POC1B: variants seen among roughly 807,000 people sequenced by gnomAD.
The protein encoded by POC1B is POC1 centriolar protein homolog B.
Under a neutral mutation model 60.6 loss-of-function variants are expected in POC1B, and 44 were observed. The observed-to-expected ratio is 0.73, with a 90% confidence interval of 0.57 to 0.93. POC1B has a LOEUF of 0.93. POC1B is among the 40% of genes least tolerant of loss of function. The pLI, the probability that POC1B is intolerant of heterozygous loss-of-function variation, is 0.00. For missense variants in POC1B, 555 were observed against 572.3 expected, an observed-to-expected ratio of 0.97 and a Z score of 0.31; for synonymous variants, 180 against 198.9, an observed-to-expected ratio of 0.90 and a Z score of 0.80.
At chr12:89,407,657 A>G in the POC1B span, among the ~76,000 whole-genome samples, 1 of 152,168 alleles carries the variant, frequency 6.6e-6, no homozygotes, top group African/African-American at 2.4e-5. Flanking sequence ...CTAACCCAGG[A>G]GCCAACTTGA....
intron 10 of POC1B, among the ~76,000 whole-genome samples, chr12:89,430,549 T>C (rs1265426256): frequency 6.6e-6 from 1 of 152,158 alleles, no homozygotes; most frequent in Non-Finnish European, 1.5e-5. Flanking sequence ...AGTTCATACA[T>C]TATATCTACT....
downstream of POC1B, among the ~76,000 whole-genome samples, chr12:89,417,835 C>T (rs1880388959): frequency 6.6e-6 from 1 of 152,172 alleles, no homozygotes; most frequent in Non-Finnish European, 1.5e-5. Flanking sequence ...CAGCCACTCA[C>T]ATCAAATTTA....
chr12:89,502,130 A>G (rs1869604562), intron 2 of POC1B: 5 of 1,188,776 alleles, frequency 4.2e-6, no homozygotes, highest in Non-Finnish European at 6.3e-6. Flanking sequence ...TCTGGAGAGC[A>G]TAAGACTTCA....
intron 10 of POC1B, among the ~76,000 whole-genome samples, chr12:89,450,400 G>T (rs1881993155): frequency 6.6e-6 from 1 of 152,128 alleles, no homozygotes; most frequent in Non-Finnish European, 1.5e-5. Context: ...TAGAGACAGG[G>T]TTTCGCCATG....
chr12:89,498,801 G>C (rs1176527965), intron 2 of POC1B, among the ~76,000 whole-genome samples: 1 of 152,102 alleles, frequency 6.6e-6, no homozygotes, highest in Non-Finnish European at 1.5e-5. Context: ...CACTATTTGA[G>C]TTCTGTGTAT....
At position 89,507,708 on chromosome 12, in the gene POC1B, GACAACAAAGA is replaced by G. The variant is rs544540456; in HGVS notation, c.101-10376_101-10367del. Among the ~76,000 whole-genome samples the G allele has an allele frequency of 3.2e-3, 484 of 152,302 alleles. 4 individuals are homozygous for G. The highest frequency in any genetic ancestry group is 6.1e-3 in the Admixed American group (94 of 15,296). On this transcript the variant is annotated intron_variant, in intron 2 of 11. Transcript: ENST00000313546. ...AGGTCAGTGCTTTGTCTCTGGAGGT[GACAACAAAGA>G]ACAACAAATGGAAAACATGTTTGCT...
At chr12:89,524,985 C>T in intron 2 of POC1B, 135 bp downstream of exon 2, 1 of 1,352,364 alleles carries the variant, frequency 7.4e-7, no homozygotes, top group East Asian at 2.5e-5. Context: ...CGCGCTGGGC[C>T]CTCGTCTCCG....
intron 1 of POC1B, 95 bp from the exon 2 acceptor site, chr12:89,525,299 G>T: frequency 6.7e-7 from 1 of 1,484,610 alleles, no homozygotes; most frequent in Non-Finnish European, 8.9e-7. Context: ...GTCCGGCTTG[G>T]GAATGGCCAC....
intron 4 of POC1B, among the ~76,000 whole-genome samples, chr12:89,477,633 C>G (rs747921756): frequency 6.6e-6 from 1 of 152,258 alleles, no homozygotes; most frequent in South Asian, 2.1e-4. Flanking sequence ...CTTCTACTTC[C>G]CCACATTCCA....
chr12:89,494,666 A>G lies in POC1B; in HGVS notation c.272+2505T>C, dbSNP rs568755249. 4.6e-5 allele frequency among the ~76,000 whole-genome samples: 7 copies of G among 152,326 alleles called. No homozygotes were observed. In the South Asian group the frequency reaches 1.4e-3, roughly 32 times the overall value. On this transcript the variant is annotated intron_variant, in intron 3 of 11. Transcript: ENST00000313546. Reference sequence around the variant, plus strand: ...AGGAACAGAACGTGGCAGAAGTGACACTGCAAGTTTTGGGCCTAGTTCTTA... The same window carrying G: ...AGGAACAGAACGTGGCAGAAGTGACGCTGCAAGTTTTGGGCCTAGTTCTTA...
intron 10 of POC1B, 131 bp from the exon 11 acceptor site, chr12:89,425,510 G>A (rs1050185344): frequency 1.7e-6 from 1 of 591,228 alleles, no homozygotes; most frequent in East Asian, 3.0e-5. Context: ...ACTATAATAA[G>A]TTATGGAAAT....
chr12:89,431,452 C>T (rs1386241950), intron 10 of POC1B, among the ~76,000 whole-genome samples: 1 of 151,972 alleles, frequency 6.6e-6, no homozygotes, highest in Admixed American at 6.6e-5. Flanking sequence ...CACACACACA[C>T]ACACGCACAT....
chr12:89,462,421 G>A (rs1882515675), intron 9 of POC1B, among the ~76,000 whole-genome samples: 1 of 152,112 alleles, frequency 6.6e-6, no homozygotes, highest in South Asian at 2.1e-4. Flanking sequence ...GTAAAGGTTA[G>A]CCTGTATGAC....
At chr12:89,482,921 T>A (rs999912440) in intron 4 of POC1B, among the ~76,000 whole-genome samples, 4 of 151,482 alleles carry the variant, frequency 2.6e-5, no homozygotes, top group Non-Finnish European at 5.9e-5. Context: ...ACCCTAACGC[T>A]ATTCTTTTTT....
chr12:89,524,648 G>C, intron 2 of POC1B: 1 of 1,299,118 alleles, frequency 7.7e-7, no homozygotes, highest in South Asian at 1.3e-5. Context: ...TTCCCAGCAG[G>C]TTCTTCCTTT....
chr12:89,437,689 C>T (rs532110368), intron 10 of POC1B, among the ~76,000 whole-genome samples: 1 of 151,344 alleles, frequency 6.6e-6, no homozygotes, highest in Non-Finnish European at 1.5e-5. Context: ...ATTGAACTTG[C>T]TCTTTCATTT....
Position 89,466,683 on chromosome 12 carries a change from A to G in POC1B, c.1032+87T>C, listed in dbSNP as rs2040841810. 2.3e-6 allele frequency: 3 copies of G among 1,306,276 alleles called. No individual in the cohort carries two copies. The South Asian group carries it at 4.4e-5, about 19-fold the overall frequency. 80.9% of individuals were successfully genotyped at this position (1,306,276 alleles called of 1,614,324 possible). A position where few individuals can be genotyped will look rare whatever the true frequency, so the allele number is the denominator to read the frequency against. On this transcript the variant is annotated intron_variant, in intron 9 of 11. Coordinates refer to ENST00000313546, the MANE Select transcript of POC1B (RefSeq NM_172240.3). The stretch of plus-strand genomic sequence containing the variant: ...GTTTTAAGGCAGCACTAGGTTTTAT[A>G]TATAATTCAGTAATTTCAAACACCT...
chr12:89,506,890 T>C (rs151213111), intron 2 of POC1B, among the ~76,000 whole-genome samples: 2 of 152,208 alleles, frequency 1.3e-5, no homozygotes, highest in African/African-American at 4.8e-5. Context: ...ATAAATAATA[T>C]TGAAGATATA....
chr12:89,472,086 T>C, intron 5 of POC1B, 82 bp downstream of exon 5: 2 of 974,678 alleles, frequency 2.1e-6, no homozygotes, highest in Admixed American at 2.2e-5. Context: ...ATTTCTTTAC[T>C]CATTTATTTA....
Sources: gnomAD v4.1 joint callset for allele counts (sites outside exome capture counted in the v4.1 genomes callset) on GRCh38, gnomAD v4.1.1 for gene constraint, MANE v1.5 for transcripts, NCBI Gene and HGNC (gene_info 2026-07-23, HGNC 2026-07-21) for gene names.